CSMD1: variants seen among roughly 807,000 people sequenced by gnomAD.
CSMD1 encodes CUB and Sushi multiple domains 1.
CSMD1 carries 213 observed loss-of-function variants against 417.5 expected under a neutral mutation model. That is an observed-to-expected ratio of 0.51 (90% CI 0.46 to 0.57). The LOEUF is 0.57. Among genes scored for constraint, CSMD1 ranks in the 20% least tolerant of loss-of-function variants. CSMD1 has a pLI of 0.00. For synonymous variants in CSMD1, 2,862 were observed against 1,736.8 expected, an observed-to-expected ratio of 1.65 and a Z score of -16.11; for missense variants, 6,923 against 4,529.7, an observed-to-expected ratio of 1.53 and a Z score of -15.17.
intron 12 of CSMD1, among the ~76,000 whole-genome samples, chr8:3,442,762 T>C (rs1259042242): frequency 6.6e-6 from 1 of 152,196 alleles, no homozygotes; most frequent in East Asian, 1.9e-4. Flanking sequence ...CGTACATATA[T>C]ATTTGAATTC....
chr8:4,891,325 T>C (rs1272397498), intron 1 of CSMD1, among the ~76,000 whole-genome samples: 9 of 152,168 alleles, frequency 5.9e-5, no homozygotes, highest in Admixed American at 2.0e-4. Context: ...GTAACCTTAC[T>C]TGAAAGACTG....
intron 5 of CSMD1, among the ~76,000 whole-genome samples, chr8:3,854,048 G>C (rs1162482523): frequency 1.4e-5 from 2 of 141,308 alleles, no homozygotes; most frequent in Non-Finnish European, 3.1e-5. Context: ...ATATACTAAA[G>C]TATATGTATA....
intron 7 of CSMD1, among the ~76,000 whole-genome samples, chr8:3,635,573 T>A (rs1316499028): frequency 6.9e-6 from 1 of 144,888 alleles, no homozygotes; most frequent in Admixed American, 7.0e-5. Context: ...AAGCTACACA[T>A]CCCAGGTTCA....
intron 1 of CSMD1, among the ~76,000 whole-genome samples, chr8:4,920,617 T>A (rs1806374004): frequency 1.3e-5 from 2 of 151,708 alleles, no homozygotes; most frequent in African/African-American, 4.8e-5. Context: ...AAGTCAGGAG[T>A]TTGAGACCAG....
At chr8:3,777,642 A>T (rs1798962999) in intron 5 of CSMD1, among the ~76,000 whole-genome samples, 1 of 152,200 alleles carries the variant, frequency 6.6e-6, no homozygotes. Context: ...CAGCAACAAG[A>T]ACTCCTCCAA....
chr8:3,800,472 A>T (rs758651865), intron 5 of CSMD1, among the ~76,000 whole-genome samples: 22 of 152,324 alleles, frequency 1.4e-4, no homozygotes, highest in Non-Finnish European at 2.5e-4. Flanking sequence ...CTGGATATCC[A>T]CATGCAAAAA....
At chr8:4,324,869 C>T (rs1799467973) in intron 3 of CSMD1, among the ~76,000 whole-genome samples, 3 of 152,194 alleles carry the variant, frequency 2.0e-5, no homozygotes, top group Non-Finnish European at 4.4e-5. Flanking sequence ...CAGCACACCT[C>T]AGGGTCCTGG....
chr8:4,024,578 G>A (rs1585153912), intron 4 of CSMD1, among the ~76,000 whole-genome samples: 1 of 152,234 alleles, frequency 6.6e-6, no homozygotes, highest in Non-Finnish European at 1.5e-5. Flanking sequence ...CCTTATTACA[G>A]AAATAATCAT....
intron 3 of CSMD1, among the ~76,000 whole-genome samples, chr8:4,373,829 G>C (rs534994649): frequency 1.3e-5 from 2 of 152,292 alleles, no homozygotes; most frequent in South Asian, 4.1e-4. Context: ...GACAGTACTA[G>C]CCAAAGGAGC....
intron 7 of CSMD1, among the ~76,000 whole-genome samples, chr8:3,697,965 T>C (rs199542070): frequency 1.3e-5 from 2 of 152,232 alleles, no homozygotes; most frequent in Admixed American, 1.3e-4. Context: ...AAAAGCATTT[T>C]ACTTCTATGG....
intron 30 of CSMD1, among the ~76,000 whole-genome samples, chr8:3,208,506 C>G (rs2116776800): frequency 6.6e-6 from 1 of 152,300 alleles, no homozygotes; most frequent in South Asian, 2.1e-4. Context: ...ACCTCGTGAT[C>G]CACCTACCTC....
chr8:4,034,261 G>T (rs965469607), intron 3 of CSMD1, among the ~76,000 whole-genome samples: 1 of 152,006 alleles, frequency 6.6e-6, no homozygotes. Context: ...AAATATTTAG[G>T]AAATAAATAC....
chr8:4,437,534 T>C (rs1798217180), intron 2 of CSMD1, among the ~76,000 whole-genome samples: 1 of 152,226 alleles, frequency 6.6e-6, no homozygotes, highest in Non-Finnish European at 1.5e-5. Flanking sequence ...ATTTATTTCA[T>C]ATTTATATTA....
chr8:3,186,954 C>A (rs1671953113), intron 36 of CSMD1, among the ~76,000 whole-genome samples: 1 of 152,204 alleles, frequency 6.6e-6, no homozygotes, highest in Non-Finnish European at 1.5e-5. Flanking sequence ...GTTGGCCAGG[C>A]TGGTCTCGAA....
chr8:3,681,580 G>C (rs1488275751), intron 7 of CSMD1, among the ~76,000 whole-genome samples: 2 of 152,176 alleles, frequency 1.3e-5, no homozygotes, highest in East Asian at 1.9e-4. Context: ...CTTATGGATA[G>C]GAAGAGTAAA....
At chr8:3,116,700 T>C (rs890259515) in intron 42 of CSMD1, among the ~76,000 whole-genome samples, 7 of 152,210 alleles carry the variant, frequency 4.6e-5, no homozygotes, top group Admixed American at 2.6e-4. Flanking sequence ...TATTTCCATA[T>C]TGAAAAACAA....
chr8:4,053,707 G>T (rs771533761), intron 3 of CSMD1, among the ~76,000 whole-genome samples: 1 of 152,062 alleles, frequency 6.6e-6, no homozygotes, highest in Admixed American at 6.6e-5. Flanking sequence ...CATCATGGCA[G>T]TAGGAGGAAA....
intron 12 of CSMD1, among the ~76,000 whole-genome samples, chr8:3,436,204 C>G (rs981757275): frequency 1.3e-5 from 2 of 152,106 alleles, no homozygotes; most frequent in African/African-American, 4.8e-5. Context: ...TTATAAGATG[C>G]TTAATTACTT....
At chr8:4,242,688 C>G (rs560619833) in intron 3 of CSMD1, among the ~76,000 whole-genome samples, 62 of 149,964 alleles carry the variant, frequency 4.1e-4, no homozygotes, top group African/African-American at 1.5e-3. Flanking sequence ...CAATCCAGGG[C>G]TCACTCTGCT....
Sources: gnomAD v4.1 joint callset for allele counts (sites outside exome capture counted in the v4.1 genomes callset) on GRCh38, gnomAD v4.1.1 for gene constraint, MANE v1.5 for transcripts, NCBI Gene and HGNC (gene_info 2026-07-23, HGNC 2026-07-21) for gene names.